The following EVL variants were observed in gnomAD, a reference collection of about 807,000 sequenced individuals.
EVL encodes Enah/Vasp-like, also known as ena/VASP-like protein.
A neutral mutation model predicts 59.6 loss-of-function variants in EVL; 21 were observed. The observed-to-expected ratio is 0.35, with a 90% CI of 0.25 to 0.51. The LOEUF (loss-of-function observed/expected upper bound fraction) is 0.51. EVL is among the 20% of genes least tolerant of loss of function. EVL has a pLI of 0.97. For missense variants in EVL, 462 were observed against 546.6 expected (o/e 0.85, Z 1.54); for synonymous variants, 198 against 203.5 (o/e 0.97, Z 0.23).
At chr14:100,062,753 A>C (rs1313675921), upstream of EVL, among the ~76,000 whole-genome samples, 1 of 152,208 alleles carries the variant, frequency 6.6e-6, no homozygotes, top group Admixed American at 6.5e-5. Flanking sequence ...GGTAGTAGGC[A>C]GAGTAATGCC....
intron 3 of EVL, among the ~76,000 whole-genome samples, chr14:100,120,855 A>G (rs1887650933): frequency 6.6e-6 from 1 of 152,184 alleles, no homozygotes; most frequent in Non-Finnish European, 1.5e-5. Context: ...TGAGGGTCCA[A>G]GAGAGAGACG....
intron 1 of EVL, among the ~76,000 whole-genome samples, chr14:99,980,710 C>G (rs1350716296): frequency 6.6e-6 from 1 of 152,190 alleles, no homozygotes; most frequent in Non-Finnish European, 1.5e-5. Context: ...TTTGTAAGGG[C>G]TATAGGGATT....
chr14:100,060,397 C>T (rs978941535), intron 1 of EVL, among the ~76,000 whole-genome samples: 2 of 147,478 alleles, frequency 1.4e-5, no homozygotes, highest in Non-Finnish European at 3.0e-5. Flanking sequence ...CGCCACTGCA[C>T]TCCAGCCTGG....
intron 1 of EVL, among the ~76,000 whole-genome samples, chr14:100,079,694 T>G (rs2062250151): frequency 6.6e-6 from 1 of 152,184 alleles, no homozygotes; most frequent in African/African-American, 2.4e-5. Context: ...ATTTACACTC[T>G]GTCCTTCAAG....
chr14:100,103,313 C>A (rs918559035), intron 3 of EVL, among the ~76,000 whole-genome samples: 1 of 151,706 alleles, frequency 6.6e-6, no homozygotes, highest in Admixed American at 6.6e-5. Context: ...CAGCCAAGGA[C>A]AGATGTAGAA....
chr14:100,001,047 G>A (rs2060943169), intron 1 of EVL, among the ~76,000 whole-genome samples: 1 of 152,116 alleles, frequency 6.6e-6, no homozygotes, highest in African/African-American at 2.4e-5. Flanking sequence ...GAAAATAGGG[G>A]GAGGAAGGGA....
chr14:100,097,297 C>T (rs1885880192), intron 2 of EVL, among the ~76,000 whole-genome samples, 184 bp from the exon 3 acceptor site: 1 of 152,144 alleles, frequency 6.6e-6, no homozygotes, highest in African/African-American at 2.4e-5. Flanking sequence ...ACAGGTTTTG[C>T]AAACCCTCAC....
At chr14:99,998,760 G>C (rs1382272457) in intron 1 of EVL, among the ~76,000 whole-genome samples, 2 of 151,960 alleles carry the variant, frequency 1.3e-5, no homozygotes, top group Non-Finnish European at 1.5e-5. Flanking sequence ...TATGGTTCTA[G>C]GATGAGCAAC....
intron 1 of EVL, among the ~76,000 whole-genome samples, chr14:99,997,970 C>A (rs2060924315): frequency 1.3e-5 from 2 of 152,116 alleles, no homozygotes. Context: ...CCTCTCAATT[C>A]ATTTGTTCCT....
At chr14:100,137,512 G>A in intron 9 of EVL, 66 bp from the exon 10 acceptor site, 3 of 1,543,470 alleles carry the variant, frequency 1.9e-6, no homozygotes, top group South Asian at 2.2e-5. Context: ...GGGGTGTTTA[G>A]GGGATTGGGG....
At chr14:100,027,865 G>T (rs1362287771) in intron 1 of EVL, among the ~76,000 whole-genome samples, 1 of 152,072 alleles carries the variant, frequency 6.6e-6, no homozygotes, top group East Asian at 1.9e-4. Context: ...AGTAGAGGCA[G>T]GGTTCCCACA....
intron 4 of EVL, among the ~76,000 whole-genome samples, chr14:100,124,236 G>C (rs1379469973): frequency 6.6e-6 from 1 of 152,186 alleles, no homozygotes; most frequent in Non-Finnish European, 1.5e-5. Context: ...CCTGGCCCGG[G>C]CCTTCCTCAC....
intron 3 of EVL, among the ~76,000 whole-genome samples, chr14:100,097,955 G>A (rs1452917027): frequency 6.6e-6 from 1 of 152,170 alleles, no homozygotes; most frequent in Non-Finnish European, 1.5e-5. Flanking sequence ...CCATATTCCA[G>A]AGCAAACATT....
At chr14:100,006,611 C>T (rs1008229627) in intron 1 of EVL, among the ~76,000 whole-genome samples, 1 of 151,934 alleles carries the variant, frequency 6.6e-6, no homozygotes, top group Non-Finnish European at 1.5e-5. Context: ...TTAGCCAAGA[C>T]GAACCCCAAT....
intron 1 of EVL, among the ~76,000 whole-genome samples, chr14:100,007,696 A>ACCCC (rs2060991863): frequency 6.6e-6 from 1 of 152,160 alleles, no homozygotes; most frequent in Non-Finnish European, 1.5e-5. Flanking sequence ...TCCAGCGGGG[A>ACCCC]GGTACAGCTT....
intron 1 of EVL, among the ~76,000 whole-genome samples, chr14:100,069,670 A>G (rs1215586492): frequency 1.3e-5 from 2 of 152,162 alleles, no homozygotes; most frequent in Non-Finnish European, 2.9e-5. Flanking sequence ...ATGTGCCTCT[A>G]GTTGAGAAAC....
intron 2 of EVL, among the ~76,000 whole-genome samples, chr14:100,094,931 C>T (rs949180716): frequency 2.6e-5 from 4 of 151,796 alleles, no homozygotes; most frequent in African/African-American, 9.7e-5. Flanking sequence ...GTTCCAGCTA[C>T]TCTGGAGGCT....
intron 1 of EVL, among the ~76,000 whole-genome samples, chr14:100,004,208 TCAACCAAC>T (rs749891956): frequency 3.3e-5 from 5 of 151,872 alleles, no homozygotes; most frequent in African/African-American, 1.2e-4. Context: ...TGTCTCAAAA[TCAACCAAC>T]CAACCAACCA....
chr14:99,989,871 G>T (rs1420309141), intron 1 of EVL, among the ~76,000 whole-genome samples: 3 of 152,214 alleles, frequency 2.0e-5, no homozygotes, highest in African/African-American at 7.2e-5. Flanking sequence ...ACTTGTAGTA[G>T]TAAGTCAGTC....
Sources: gnomAD v4.1 joint callset for allele counts (sites outside exome capture counted in the v4.1 genomes callset) on GRCh38, gnomAD v4.1.1 for gene constraint, MANE v1.5 for transcripts, NCBI Gene and HGNC (gene_info 2026-07-23, HGNC 2026-07-21) for gene names.